IQCM: variants seen among roughly 807,000 people sequenced by gnomAD.
The protein encoded by IQCM is IQ domain-containing protein M.
In IQCM, 45 loss-of-function variants were observed where a neutral mutation model predicts 57.6. The ratio of observed to expected loss-of-function variants is 0.78; its 90% CI spans 0.62 to 1.00. The LOEUF is 1.00. Ranked by LOEUF, IQCM falls within the 50% of genes least tolerant of loss-of-function variation. The pLI, the probability that IQCM is intolerant of heterozygous loss-of-function variation, is 0.00. For missense variants in IQCM, 468 were observed against 511.6 expected, an observed-to-expected ratio of 0.91 and a Z score of 0.82; for synonymous variants, 148 against 158.9, an observed-to-expected ratio of 0.93 and a Z score of 0.51.
chr4:149,441,633 T>C (rs1735951183), intron 12 of IQCM, among the ~76,000 whole-genome samples: 1 of 152,136 alleles, frequency 6.6e-6, no homozygotes, highest in South Asian at 2.1e-4. Context: ...ATTAATACGG[T>C]TTCTGTCACT....
intron 8 of IQCM, among the ~76,000 whole-genome samples, chr4:149,603,469 T>C (rs890021138): frequency 4.6e-5 from 7 of 152,158 alleles, no homozygotes; most frequent in African/African-American, 1.7e-4. Flanking sequence ...TCTTAATTAC[T>C]ACCAACCAGG....
intron 8 of IQCM, among the ~76,000 whole-genome samples, chr4:149,604,739 A>C (rs1181055783): frequency 6.6e-6 from 1 of 152,182 alleles, no homozygotes; most frequent in Non-Finnish European, 1.5e-5. Flanking sequence ...CAAGTGAGAC[A>C]TGTTCAGTAA....
At chr4:149,645,026 T>C (rs576330969) in intron 7 of IQCM, among the ~76,000 whole-genome samples, 2 of 152,314 alleles carry the variant, frequency 1.3e-5, no homozygotes, top group Admixed American at 1.3e-4. Flanking sequence ...TTGCTTTGCA[T>C]ATTCTTAATC....
chr4:149,549,960 T>A (rs932382010), intron 11 of IQCM, among the ~76,000 whole-genome samples: 4 of 152,264 alleles, frequency 2.6e-5, no homozygotes. Flanking sequence ...TTAGTGTATT[T>A]ATGGCTATTT....
chr4:149,595,501 T>C (rs1477673646), intron 8 of IQCM, among the ~76,000 whole-genome samples: 1 of 152,172 alleles, frequency 6.6e-6, no homozygotes, highest in African/African-American at 2.4e-5. Flanking sequence ...TATTAAAACA[T>C]GTGAAGTAAA....
chr4:149,728,803 T>G (rs1580141551), intron 5 of IQCM, among the ~76,000 whole-genome samples: 1 of 152,130 alleles, frequency 6.6e-6, no homozygotes, highest in East Asian at 1.9e-4. Context: ...TCTTGTTCCT[T>G]TACAGAACAC....
intron 13 of IQCM, among the ~76,000 whole-genome samples, chr4:149,402,454 C>T (rs1732682175): frequency 6.6e-6 from 1 of 151,852 alleles, no homozygotes; most frequent in South Asian, 2.1e-4. Context: ...GGTTCTGAAA[C>T]TGTGTTTTCA....
intron 5 of IQCM, among the ~76,000 whole-genome samples, chr4:149,698,539 A>C (rs920704929): frequency 6.6e-6 from 1 of 152,122 alleles, no homozygotes; most frequent in African/African-American, 2.4e-5. Flanking sequence ...ATTTAACTTC[A>C]CCACGAAACT....
chr4:149,613,866 A>G (rs1402164512), intron 8 of IQCM, among the ~76,000 whole-genome samples: 2 of 152,080 alleles, frequency 1.3e-5, no homozygotes, highest in East Asian at 1.9e-4. Flanking sequence ...GATGGTTTCC[A>G]GCTTCATCCA....
chr4:149,768,030 A>G (rs1770221543), intron 2 of IQCM, among the ~76,000 whole-genome samples: 2 of 152,254 alleles, frequency 1.3e-5, no homozygotes, highest in South Asian at 2.1e-4. Flanking sequence ...TGTGAAATGA[A>G]TGTGATAATC....
intron 9 of IQCM, among the ~76,000 whole-genome samples, chr4:149,583,311 A>G (rs909096179): frequency 2.6e-4 from 39 of 151,618 alleles, no homozygotes; most frequent in African/African-American, 9.2e-4. Flanking sequence ...AAATGTTAAC[A>G]CTTATATCAA....
chr4:149,507,360 G>C (rs1309812168), intron 12 of IQCM, among the ~76,000 whole-genome samples: 1 of 152,186 alleles, frequency 6.6e-6, no homozygotes, highest in South Asian at 2.1e-4. Context: ...AGAAGACAGG[G>C]AAATGTAAGA....
chr4:149,738,555 C>T (rs1191787420), intron 3 of IQCM, among the ~76,000 whole-genome samples: 1 of 152,078 alleles, frequency 6.6e-6, no homozygotes, highest in Non-Finnish European at 1.5e-5. Flanking sequence ...CTTGCTGGGG[C>T]CAGAAAGCAG....
At chr4:149,481,195 A>T (rs1740738236) in intron 12 of IQCM, among the ~76,000 whole-genome samples, 2 of 151,972 alleles carry the variant, frequency 1.3e-5, no homozygotes, top group Admixed American at 1.3e-4. Context: ...ATTTTCTCCC[A>T]TTCTGTGGGT....
chr4:149,549,648 T>C (rs993905857), intron 11 of IQCM, among the ~76,000 whole-genome samples: 1 of 152,238 alleles, frequency 6.6e-6, no homozygotes, highest in Non-Finnish European at 1.5e-5. Context: ...CCATGAATTG[T>C]ATAATTGTAT....
intron 13 of IQCM, among the ~76,000 whole-genome samples, chr4:149,375,921 T>C (rs574202466): frequency 2.0e-5 from 3 of 152,282 alleles, no homozygotes; most frequent in Non-Finnish European, 4.4e-5. Flanking sequence ...TGATTTATTA[T>C]AAAATTTTAC....
intron 2 of IQCM, among the ~76,000 whole-genome samples, chr4:149,760,439 C>T (rs1451339663): frequency 6.6e-6 from 1 of 152,020 alleles, no homozygotes; most frequent in Non-Finnish European, 1.5e-5. Context: ...TGAAAGTGAA[C>T]TTAATTGTCC....
chr4:149,358,427 T>C (rs894938287), intron 13 of IQCM, among the ~76,000 whole-genome samples: 1 of 152,254 alleles, frequency 6.6e-6, no homozygotes, highest in African/African-American at 2.4e-5. Flanking sequence ...ATGTGTCCCA[T>C]AGATTCTGGT....
At chr4:149,366,946 GACAA>G (rs1172366884) in intron 13 of IQCM, among the ~76,000 whole-genome samples, 2 of 151,912 alleles carry the variant, frequency 1.3e-5, no homozygotes, top group Non-Finnish European at 2.9e-5. Context: ...AACTAATAAT[GACAA>G]ACAATGAGGA....
Sources: gnomAD v4.1 joint callset for allele counts (sites outside exome capture counted in the v4.1 genomes callset) on GRCh38, gnomAD v4.1.1 for gene constraint, MANE v1.5 for transcripts, NCBI Gene and HGNC (gene_info 2026-07-23, HGNC 2026-07-21) for gene names.